Variants in RPRD1B observed in about 807,000 individuals in gnomAD.
The protein encoded by RPRD1B is regulation of nuclear pre-mRNA domain-containing protein 1B.
Under a neutral mutation model 41.5 loss-of-function variants are expected in RPRD1B, and 11 were observed. The observed-to-expected ratio is 0.27, with a 90% CI of 0.17 to 0.44. The LOEUF is 0.44. Ranked by LOEUF, RPRD1B falls within the 20% of genes least tolerant of loss-of-function variation. The pLI is 1.00. For synonymous variants in RPRD1B, 158 were observed against 155.6 expected, an observed-to-expected ratio of 1.02 and a Z score of -0.12; for missense variants, 248 against 389.9, an observed-to-expected ratio of 0.64 and a Z score of 3.06.
intron 6 of RPRD1B, among the ~76,000 whole-genome samples, chr20:38,073,864 A>G (rs1237045828): frequency 1.3e-5 from 2 of 152,222 alleles, no homozygotes; most frequent in African/African-American, 2.4e-5. Context: ...TCCTAACTAC[A>G]GTGATCATCC....
chr20:38,049,375 T>C (rs1390972660), intron 3 of RPRD1B, among the ~76,000 whole-genome samples: 2 of 137,542 alleles, frequency 1.5e-5, no homozygotes, highest in East Asian at 4.0e-4. Context: ...TTCTTTTTTT[T>C]TTTTTTTTTT....
chr20:38,059,572 A>AT, intron 5 of RPRD1B, 52 bp downstream of exon 5: 1 of 1,588,792 alleles, frequency 6.3e-7, no homozygotes, highest in Non-Finnish European at 8.6e-7. Context: ...CATAACTGTA[A>AT]TGCAGTAACC....
chr20:38,054,579 T>C (rs2074221015), intron 3 of RPRD1B, among the ~76,000 whole-genome samples: 1 of 152,182 alleles, frequency 6.6e-6, no homozygotes, highest in African/African-American at 2.4e-5. Flanking sequence ...GATATTTTCA[T>C]GAAAATTTGA....
chr20:38,051,031 C>T (rs968167880), intron 3 of RPRD1B, among the ~76,000 whole-genome samples: 1 of 152,144 alleles, frequency 6.6e-6, no homozygotes, highest in Non-Finnish European at 1.5e-5. Context: ...TCTTTGTCTT[C>T]AGGCAACTTC....
Position 38,089,960 on chromosome 20 carries a change from G to A in RPRD1B, c.*85G>A, listed in dbSNP as rs1376400938. The A allele has an allele frequency of 6.5e-7, 1 of 1,534,992 alleles. No individual in the cohort carries two copies. Among genetic ancestry groups the A allele is most frequent in the Non-Finnish European group, 8.7e-7 (1 of 1,145,038 alleles). ...GTTGGAAATAACCTTCTAGCCCCTG[G>A]TTCTATCCCTTCTTCCGCCCAGCCC... On this transcript the variant is annotated 3_prime_UTR_variant, in exon 7 of 7. Transcript: ENST00000373433.
At chr20:38,041,938 G>A (rs2074070308) in intron 2 of RPRD1B, among the ~76,000 whole-genome samples, 1 of 152,194 alleles carries the variant, frequency 6.6e-6, no homozygotes, top group South Asian at 2.1e-4. Flanking sequence ...GCTGAGTTAT[G>A]TAGCTTGAAG....
intron 5 of RPRD1B, among the ~76,000 whole-genome samples, chr20:38,061,748 G>C (rs766895691): frequency 2.0e-5 from 3 of 152,152 alleles, no homozygotes; most frequent in Non-Finnish European, 2.9e-5. Flanking sequence ...CTCAATGGTG[G>C]ATTCTCTGCC....
intron 2 of RPRD1B, among the ~76,000 whole-genome samples, chr20:38,045,028 A>C (rs551586596): frequency 3.3e-5 from 5 of 152,212 alleles, no homozygotes; most frequent in Non-Finnish European, 7.4e-5. Context: ...TCAGGTGTCC[A>C]GCTGACACGT....
intron 5 of RPRD1B, among the ~76,000 whole-genome samples, chr20:38,061,765 T>C (rs2122728982): frequency 6.6e-6 from 1 of 152,356 alleles, no homozygotes; most frequent in East Asian, 1.9e-4. Flanking sequence ...TGCCCCCATC[T>C]TAACTTCACC....
At chr20:38,036,431 C>T (rs1046915803) in intron 1 of RPRD1B, among the ~76,000 whole-genome samples, 2 of 152,154 alleles carry the variant, frequency 1.3e-5, no homozygotes, top group Admixed American at 6.5e-5. Flanking sequence ...ATGAGTGCCT[C>T]CCACCCCATC....
intron 5 of RPRD1B, 79 bp downstream of exon 5, chr20:38,059,599 G>A (rs186312532): frequency 9.3e-4 from 1,300 of 1,405,168 alleles, no homozygotes; most frequent in Non-Finnish European, 1.2e-3. Context: ...CATACTTAAC[G>A]TCTGCAGGTA....
intron 3 of RPRD1B, among the ~76,000 whole-genome samples, chr20:38,054,337 G>A (rs1016244990): frequency 2.6e-5 from 4 of 152,208 alleles, no homozygotes; most frequent in Non-Finnish European, 5.9e-5. Flanking sequence ...GAAATAGGAG[G>A]AAACTGGAAA....
At chr20:38,063,593 A>G (rs996722313) in intron 5 of RPRD1B, among the ~76,000 whole-genome samples, 2 of 152,264 alleles carry the variant, frequency 1.3e-5, no homozygotes, top group East Asian at 1.9e-4. Context: ...GGAGAGTGGT[A>G]TGTAGGTGGA....
intron 4 of RPRD1B, among the ~76,000 whole-genome samples, 183 bp downstream of exon 4, chr20:38,057,827 C>T (rs1306359467): frequency 6.6e-6 from 1 of 152,158 alleles, no homozygotes; most frequent in East Asian, 1.9e-4. Flanking sequence ...TATGTCTTTG[C>T]GTGCCATAAC....
chr20:38,063,342 G>T (rs2074319924), intron 5 of RPRD1B, among the ~76,000 whole-genome samples: 1 of 152,018 alleles, frequency 6.6e-6, no homozygotes. Context: ...ATTGTATATT[G>T]ATTCTCTTCC....
rs941015045 is a variant in RPRD1B at position 38,091,133 on chromosome 20, C to T, written c.*1258C>T. 1.0e-6 allele frequency: 1 copy of T among 985,594 alleles called. No individual in the cohort carries two copies. Among genetic ancestry groups the T allele is most frequent in the Non-Finnish European group, 1.2e-6 (1 of 829,902 alleles). 61.1% of individuals were successfully genotyped at this position (985,594 alleles called of 1,614,324 possible). On this transcript the variant is annotated 3_prime_UTR_variant, in exon 7 of 7. Coordinates refer to ENST00000373433, the MANE Select transcript of RPRD1B (RefSeq NM_021215.4). Reference sequence around the variant, plus strand: ...TTGTAAATCATTCTAATTTGGCAGGCTTATTTTTGACATTGGAAAGGGCAG... The same window carrying T: ...TTGTAAATCATTCTAATTTGGCAGGTTTATTTTTGACATTGGAAAGGGCAG...
intron 1 of RPRD1B, among the ~76,000 whole-genome samples, chr20:38,039,734 TC>T: frequency 7.6e-6 from 1 of 132,006 alleles, no homozygotes; most frequent in East Asian, 2.2e-4. Flanking sequence ...CCTAACTCAG[TC>T]TTTTTTTTTT....
At chr20:38,075,043 A>G (rs1177881603) in intron 6 of RPRD1B, among the ~76,000 whole-genome samples, 3 of 152,196 alleles carry the variant, frequency 2.0e-5, no homozygotes, top group Non-Finnish European at 2.9e-5. Context: ...TGTATTGAGC[A>G]CTTGTATGTT....
intron 2 of RPRD1B, among the ~76,000 whole-genome samples, chr20:38,045,509 T>A (rs1369750975): frequency 6.6e-6 from 1 of 152,242 alleles, no homozygotes; most frequent in African/African-American, 2.4e-5. Context: ...GTTAGTTATA[T>A]TCACTAATTA....
Sources: allele counts gnomAD v4.1 joint callset (sites outside exome capture counted in the v4.1 genomes callset), GRCh38; gene constraint gnomAD v4.1.1; transcripts MANE v1.5; gene names NCBI Gene and HGNC (gene_info 2026-07-23, HGNC 2026-07-21).